WDR26: variants seen among roughly 807,000 people sequenced by gnomAD.
The protein encoded by WDR26 is WD repeat domain 26.
Under a neutral mutation model 84.1 loss-of-function variants are expected in WDR26, and 5 were observed. The ratio of observed to expected loss-of-function variants is 0.06; its 90% CI spans 0.03 to 0.13. WDR26 has a LOEUF of 0.13. Ranked by LOEUF, WDR26 falls within the 10% of genes least tolerant of loss-of-function variation. The pLI, the probability that WDR26 is intolerant of heterozygous loss-of-function variation, is 1.00. For synonymous variants in WDR26, 415 were observed against 389.6 expected (o/e 1.07, Z -0.77); for missense variants, 642 against 974.9 (o/e 0.66, Z 4.55).
rs767713739 is a variant in WDR26 at position 224,392,043 on chromosome 1, T to C, written c.2260+1785A>G. Among the ~76,000 whole-genome samples the C allele has an allele frequency of 3.9e-5, 6 of 152,150 alleles. No homozygotes were observed. In the East Asian group the frequency reaches 5.8e-4, roughly 15 times the overall value. On this transcript the variant is annotated intron_variant, in intron 13 of 13. Coordinates refer to ENST00000414423, the MANE Select transcript of WDR26 (RefSeq NM_001379403.1). ...TTCACCAAATAGCAGCACACTCTTA[T>C]TCCATTGCTATGGAGGCATAAAATA...
Position 224,413,071 on chromosome 1 carries a change from CTCAGCTACTCAAGA to C in WDR26, c.1320-1520_1320-1507del, listed in dbSNP as rs1174148694. 1.6e-5 allele frequency: 3 copies of C among 185,872 alleles called. No individual in the cohort carries two copies. The Admixed American group carries it at 1.7e-4, about 10-fold the overall frequency. The allele number at this position is 185,872 out of a possible 1,614,324, so 11.5% of individuals were successfully genotyped here. On this transcript the variant is annotated intron_variant, in intron 6 of 13. Transcript: ENST00000414423. ...GGGTGTGGTGACACATGCCTGTACTCTCAGCTACTCAAGAAGCTGAGGCAGGAGAATCGCTTGAA... is the reference window on the plus strand; with the variant it reads ...GGGTGTGGTGACACATGCCTGTACTCAGCTGAGGCAGGAGAATCGCTTGAA...
At chr1:224,424,084 G>GTT (rs1336893627) in intron 4 of WDR26, among the ~76,000 whole-genome samples, 1 of 152,112 alleles carries the variant, frequency 6.6e-6, no homozygotes, top group Non-Finnish European at 1.5e-5. Flanking sequence ...GTTGATGTGA[G>GTT]GATTAAATGA....
chr1:224,398,781 C>A (rs995037526), intron 10 of WDR26, 108 bp downstream of exon 10: 1 of 1,399,766 alleles, frequency 7.1e-7, no homozygotes, highest in African/African-American at 1.4e-5. Flanking sequence ...ATCCAAATTA[C>A]CACGCAAACC....
chr1:224,405,768 G>A (rs1284872556), intron 7 of WDR26, among the ~76,000 whole-genome samples: 2 of 152,208 alleles, frequency 1.3e-5, no homozygotes, highest in Admixed American at 6.5e-5. Flanking sequence ...AAGTGCAAAT[G>A]TAGACGTGGC....
chr1:224,413,207 A>AG, intron 6 of WDR26: 3 of 645,286 alleles, frequency 4.6e-6, no homozygotes, highest in Non-Finnish European at 6.2e-6. Context: ...AACAACAAAA[A>AG]CCCCCCCCCC....
chr1:224,431,262 G>A, intron 3 of WDR26: 1 of 445,354 alleles, frequency 2.2e-6, no homozygotes, highest in Non-Finnish European at 4.0e-6. Context: ...TTTTTGTAGA[G>A]CTTAATTTAT....
At chr1:224,399,072 ACAG>A (rs761415436) in intron 9 of WDR26, 38 bp from the exon 10 acceptor site, 1 of 1,452,126 alleles carries the variant, frequency 6.9e-7, no homozygotes, top group South Asian at 1.6e-5. Context: ...TCATTACTCA[ACAG>A]CACTCAGAAA....
In WDR26 at chr1:224,411,345, T is replaced by A. The variant is rs1292604130; in HGVS notation, c.1458+82A>T. 2.1e-6 allele frequency: 3 copies of A among 1,432,750 alleles called. No homozygotes were observed. The African/African-American group carries it at 4.3e-5, about 21-fold the overall frequency. 88.8% of individuals were successfully genotyped at this position (1,432,750 alleles called of 1,614,324 possible). On this transcript the variant is annotated intron_variant, in intron 7 of 13. Coordinates refer to ENST00000414423, the MANE Select transcript of WDR26 (RefSeq NM_001379403.1). The stretch of plus-strand genomic sequence containing the variant: ...TAGAAAAGAATACTATTGATACATA[T>A]ATACTTAAAAATATGTAATCAATGA...
At chr1:224,398,858 T>C (rs770882206) in intron 10 of WDR26, 31 bp downstream of exon 10, 14 of 1,610,636 alleles carry the variant, frequency 8.7e-6, no homozygotes, top group South Asian at 5.5e-5. Flanking sequence ...AATCAGGTAA[T>C]TGTTGTTTAA....
Position 224,424,782 on chromosome 1 carries a change from A to G in WDR26, c.928-128T>C, listed in dbSNP as rs1371259009. The G allele has an allele frequency of 5.0e-6, 6 of 1,204,386 alleles. No individual in the cohort carries two copies. The South Asian group carries it at 8.0e-5, about 16-fold the overall frequency. The allele number at this position is 1,204,386 out of a possible 1,614,324, so 74.6% of individuals were successfully genotyped here. ...TGAAATAACTTTTTATAAAGCTTCA[A>G]GATGACTCAAAATATTTTAGTTTAG... On this transcript the variant is annotated intron_variant, in intron 3 of 13. Transcript: ENST00000414423.
intron 3 of WDR26, among the ~76,000 whole-genome samples, chr1:224,427,203 A>C (rs1674256301): frequency 6.6e-6 from 1 of 151,600 alleles, no homozygotes; most frequent in Admixed American, 6.6e-5. Flanking sequence ...TTTCATTTAA[A>C]TGTCACATGG....
chr1:224,398,815 GA>G (rs777543372), intron 10 of WDR26, 73 bp downstream of exon 10: 14 of 1,573,908 alleles, frequency 8.9e-6, no homozygotes, highest in Non-Finnish European at 1.2e-5. Flanking sequence ...TAAAAACTGT[GA>G]AAAGGCAAGT....
intron 3 of WDR26, among the ~76,000 whole-genome samples, chr1:224,426,576 A>G (rs897175618): frequency 6.6e-6 from 1 of 152,074 alleles, no homozygotes; most frequent in Non-Finnish European, 1.5e-5. Context: ...AAAGTACATT[A>G]CTGTACATAC....
chr1:224,406,029 A>G (rs1673540386), intron 7 of WDR26, among the ~76,000 whole-genome samples: 1 of 152,196 alleles, frequency 6.6e-6, no homozygotes, highest in Non-Finnish European at 1.5e-5. Context: ...ATGAGGCCCT[A>G]ACGTAAGATG....
chr1:224,398,453 AAC>A, intron 11 of WDR26, 60 bp downstream of exon 11: 2 of 1,420,160 alleles, frequency 1.4e-6, no homozygotes, highest in Non-Finnish European at 1.9e-6. Context: ...CACTGAAAAT[AAC>A]AGTTAAAATA....
Position 224,393,910 on chromosome 1 carries a change from T to A in WDR26, c.2178A>T (p.Pro726=). Residue 726 remains proline, a synonymous_variant, in exon 13 of 14, where the codon CCA becomes CCT. Transcript: ENST00000414423. ...CATCTGAGGCGCTGGCCATCATGGA[T>A]GGAATCTGTGGGTTCCAGCTCACAC... The A allele has an allele frequency of 3.1e-6, 5 of 1,594,376 alleles. No homozygotes were observed. The highest frequency in any genetic ancestry group is 4.3e-6 in the Non-Finnish European group (5 of 1,164,436).
Position 224,433,689 on chromosome 1 carries a change from C to T in WDR26, c.717G>A (p.Gly239=), listed in dbSNP as rs1293377285. The change falls in exon 1 of 14, where the codon GGG becomes GGA. Residue 239 remains glycine, a synonymous_variant. Transcript: ENST00000414423. ...TGGCGGTAAGGGATACTTACTTGAGCCCTAAGCCATTCAAGTGCTGTCCTA... is the reference window on the plus strand; with the variant it reads ...TGGCGGTAAGGGATACTTACTTGAGTCCTAAGCCATTCAAGTGCTGTCCTA... 6.8e-7 allele frequency: 1 copy of T among 1,462,690 alleles called. No individual in the cohort carries two copies. Among genetic ancestry groups the T allele is most frequent in the Admixed American group, 2.1e-5 (1 of 47,148 alleles). The allele number at this position is 1,462,690 out of a possible 1,614,324, so 90.6% of individuals were successfully genotyped here.
chr1:224,394,068 AT>A, intron 12 of WDR26, 55 bp from the exon 13 acceptor site: 2 of 1,334,174 alleles, frequency 1.5e-6, no homozygotes, highest in Non-Finnish European at 2.0e-6. Flanking sequence ...CAACTAACTG[AT>A]CTTAAATTTA....
intron 13 of WDR26, among the ~76,000 whole-genome samples, chr1:224,393,452 T>C (rs1673178323): frequency 6.6e-6 from 1 of 152,212 alleles, no homozygotes; most frequent in African/African-American, 2.4e-5. Context: ...ATATTTAATA[T>C]CTAAAGTTGT....
Sources: allele counts gnomAD v4.1 joint callset (sites outside exome capture counted in the v4.1 genomes callset), GRCh38; gene constraint gnomAD v4.1.1; transcripts MANE v1.5; gene names NCBI Gene and HGNC (gene_info 2026-07-23, HGNC 2026-07-21).